Variants in SLC25A15 observed in about 807,000 individuals in gnomAD.
The protein encoded by SLC25A15 is mitochondrial ornithine transporter 1.
A neutral mutation model predicts 32.3 loss-of-function variants in SLC25A15; 24 were observed. The observed-to-expected ratio is 0.74, with a 90% CI of 0.54 to 1.04. SLC25A15 has a LOEUF of 1.04. Among genes scored for constraint, SLC25A15 ranks in the 50% least tolerant of loss-of-function variants. The probability of loss-of-function intolerance (pLI) is 0.00; values close to 1 mark genes in which losing one functional copy is unlikely to be tolerated. For missense variants in SLC25A15, 317 were observed against 374.5 expected, an observed-to-expected ratio of 0.85 and a Z score of 1.27; for synonymous variants, 132 against 142.1, an observed-to-expected ratio of 0.93 and a Z score of 0.51.
At chr13:40,803,206 C>T (rs1193375101) in intron 3 of SLC25A15, among the ~76,000 whole-genome samples, 1 of 147,976 alleles carries the variant, frequency 6.8e-6, no homozygotes, top group Non-Finnish European at 1.5e-5. Flanking sequence ...ACTTCTCAGA[C>T]TTTTCCCCGT....
At chr13:40,799,633 A>G (rs1377824857) in intron 3 of SLC25A15, among the ~76,000 whole-genome samples, 1 of 152,208 alleles carries the variant, frequency 6.6e-6, no homozygotes, top group African/African-American at 2.4e-5. Context: ...AAACTTAGAA[A>G]CCACATATGC....
chr13:40,801,358 TTGGGGAAATGCTCTCTTAGAGTCTAC>T (rs1410964860), intron 3 of SLC25A15, among the ~76,000 whole-genome samples: 1 of 151,628 alleles, frequency 6.6e-6, no homozygotes, highest in Non-Finnish European at 1.5e-5. Context: ...CTCTTACCTG[TTGGGGAAATGCTCTCTTAGAGTCTAC>T]AAAGCTCTGA....
At position 40,795,023 on chromosome 13, in the gene SLC25A15, C is replaced by T. The variant is rs1378044559; in HGVS notation, c.55+1742C>T. 2.6e-5 allele frequency among the ~76,000 whole-genome samples: 4 copies of T among 152,286 alleles called. No individual in the cohort carries two copies. In the South Asian group the frequency reaches 6.2e-4, roughly 24 times the overall value. On this transcript the variant is annotated intron_variant, in intron 2 of 6. Transcript: ENST00000338625. ...CTCCCAGGGCAGAACCCACAAGGAG[C>T]GTCCCAGCCCCAGATGCCCAGGGAA...
rs201625549 is a variant in SLC25A15, at chr13:40,808,498, A to T, written c.683A>T (p.Tyr228Phe). The change falls in exon 6 of 7, where the codon TAC (tyrosine) becomes TTC (phenylalanine). Residue 228 changes from tyrosine (Y) to phenylalanine (F), a missense_variant. Coordinates refer to ENST00000338625, the MANE Select transcript of SLC25A15 (RefSeq NM_014252.4). ...VGGICLWLAV[Y>F]PVDCIKSRIQ... The stretch of plus-strand genomic sequence containing the variant: ...GGGATTTGCCTCTGGCTTGCGGTAT[A>T]CCCAGTGGATTGTATCAAATCCAGA... 2.7e-4 allele frequency: 437 copies of T among 1,613,302 alleles called. 3 individuals are homozygous for T. Among genetic ancestry groups the T allele is most frequent in the Non-Finnish European group, 5.9e-6 (7 of 1,179,880 alleles).
intron 2 of SLC25A15, among the ~76,000 whole-genome samples, chr13:40,797,823 C>T (rs1881717418): frequency 6.6e-6 from 1 of 152,158 alleles, no homozygotes; most frequent in African/African-American, 2.4e-5. Context: ...TTTCTGTAAG[C>T]CTTCTTTTGC....
rs1469213185 is a variant in SLC25A15 at position 40,811,881 on chromosome 13, T to TA, written c.*2216dup. ...GTCCATGAATCCTCTGTGGCAACTG[T>TA]AATCACAGAGCCAGAAGCCAGAGGG... On this transcript the variant is annotated 3_prime_UTR_variant, in exon 7 of 7. Transcript: ENST00000338625. Among the ~76,000 whole-genome samples the TA allele has an allele frequency of 6.6e-6, 1 of 152,154 alleles. No individual in the cohort carries two copies. The highest frequency in any genetic ancestry group is 1.5e-5 in the Non-Finnish European group (1 of 68,020).
chr13:40,801,012 T>G (rs539161255), intron 3 of SLC25A15, among the ~76,000 whole-genome samples: 1 of 152,200 alleles, frequency 6.6e-6, no homozygotes, highest in East Asian at 1.9e-4. Context: ...GTGGGCAGAT[T>G]ACTTGAGCCC....
intron 2 of SLC25A15, among the ~76,000 whole-genome samples, chr13:40,796,008 G>A (rs1423017570): frequency 1.3e-5 from 2 of 152,184 alleles, no homozygotes; most frequent in East Asian, 3.9e-4. Context: ...CTGGAGGGGA[G>A]GGTTAGTTTG....
In SLC25A15 at chr13:40,812,371, T is replaced by C. The variant is rs1435012716; in HGVS notation, c.*2704T>C. Among the ~76,000 whole-genome samples, 1 of 152,240 alleles carries C rather than the reference T, an allele frequency of 6.6e-6. No homozygotes were observed. The highest frequency in any genetic ancestry group is 1.5e-5 in the Non-Finnish European group (1 of 68,038). On this transcript the variant is annotated 3_prime_UTR_variant, in exon 7 of 7. Transcript: ENST00000338625. ...TAATTCAGAGTACAGTTTGTGCTAT[T>C]TCATATCTGTACTCCAGGCAGAAAT...
Position 40,808,420 on chromosome 13 carries a change from T to TG in SLC25A15, c.623-18_623-17insG, listed in dbSNP as rs1212518673. The TG allele has an allele frequency of 6.9e-6, 11 of 1,604,150 alleles. No individual in the cohort carries two copies. The African/African-American group carries it at 8.0e-5, about 12-fold the overall frequency. ...GTTCTTGAGACAAAATACCATTTGC[T>TG]ATTTTTTTTTTCTCTAGGCCCTGTA... On this transcript the variant is annotated splice_polypyrimidine_tract_variant and intron_variant, in intron 5 of 6. Coordinates refer to ENST00000338625, the MANE Select transcript of SLC25A15 (RefSeq NM_014252.4).
Position 40,793,282 on chromosome 13 carries a change from G to A in SLC25A15, c.55+1G>A. 6.2e-7 allele frequency: 1 copy of A among 1,612,826 alleles called. No individual in the cohort carries two copies. The highest frequency in any genetic ancestry group is 8.5e-7 in the Non-Finnish European group (1 of 1,179,372). On this transcript the variant is annotated splice_donor_variant, in intron 2 of 6. Transcript: ENST00000338625. LOFTEE classifies it high-confidence loss of function. The stretch of plus-strand genomic sequence containing the variant: ...ATTGACCTCACAGCGGGGGCTGCAG[G>A]TACAGTCATGTGCCTCATCACCATG...
chr13:40,805,197 T>C lies in SLC25A15; in HGVS notation c.394T>C (p.Cys132Arg). ...LVLCPTELVK[C>R]RLQTMYEMET... ...GCTCTGCCCCACGGAGCTCGTGAAG[T>C]GCCGGCTGCAGACCATGTATGAGAT... The change falls in exon 4 of 7, where the codon TGC becomes CGC. Residue 132 changes from cysteine (C) to arginine (R), a missense_variant. Transcript: ENST00000338625. 6.2e-7 allele frequency: 1 copy of C among 1,614,164 alleles called. No homozygotes were observed.
chr13:40,790,270 CA>C (rs1005018705), intron 1 of SLC25A15, among the ~76,000 whole-genome samples: 1 of 152,114 alleles, frequency 6.6e-6, no homozygotes, highest in Admixed American at 6.5e-5. Context: ...CTCTCCCTTC[CA>C]AAAAAAAGTT....
intron 1 of SLC25A15, among the ~76,000 whole-genome samples, 163 bp downstream of exon 1, chr13:40,789,826 A>C (rs1881417979): frequency 6.6e-6 from 1 of 151,746 alleles, no homozygotes; most frequent in African/African-American, 2.4e-5. Flanking sequence ...GGACTCGGAG[A>C]ATCTCGGGGT....
rs545685860 is a variant in SLC25A15 at position 40,798,969 on chromosome 13, A to C, written c.56-88A>C. 5.6e-6 allele frequency: 9 copies of C among 1,611,708 alleles called. No homozygotes were observed. In the East Asian group the frequency reaches 2.0e-4, roughly 36 times the overall value. On this transcript the variant is annotated intron_variant, in intron 2 of 6. Transcript: ENST00000338625. ...GGTTGAAATGAACCGAAGCAGGGGT[A>C]AGTTCTGGGGTAGGCTGCCTGTGCC...
At chr13:40,805,070 A>C in intron 3 of SLC25A15, 48 bp from the exon 4 acceptor site, 1 of 1,612,448 alleles carries the variant, frequency 6.2e-7, no homozygotes, top group Non-Finnish European at 8.5e-7. Flanking sequence ...GGTGAGTGCC[A>C]AAGGAATGAA....
chr13:40,793,374 G>C, intron 2 of SLC25A15, 93 bp downstream of exon 2: 2 of 1,113,840 alleles, frequency 1.8e-6, no homozygotes, highest in East Asian at 2.5e-5. Flanking sequence ...TATTTTTACT[G>C]TACCTTTTCT....
At chr13:40,805,034 C>T in intron 3 of SLC25A15, 84 bp from the exon 4 acceptor site, 1 of 1,569,476 alleles carries the variant, frequency 6.4e-7, no homozygotes, top group Non-Finnish European at 8.7e-7. Context: ...CCTTACCCTG[C>T]TTTATCACCA....
intron 2 of SLC25A15, among the ~76,000 whole-genome samples, chr13:40,796,342 C>T (rs1881669898): frequency 6.6e-6 from 1 of 152,112 alleles, no homozygotes; most frequent in Admixed American, 6.6e-5. Flanking sequence ...CCCTAAACAG[C>T]TAGGATAAAG....
Sources: allele counts gnomAD v4.1 joint callset (sites outside exome capture counted in the v4.1 genomes callset), GRCh38; gene constraint gnomAD v4.1.1; transcripts MANE v1.5; gene names NCBI Gene and HGNC (gene_info 2026-07-23, HGNC 2026-07-21).